The following CTPS1 variants were observed in gnomAD, a reference collection of about 807,000 sequenced individuals.
CTPS1 encodes the protein CTP synthase 1.
CTPS1 carries 25 observed loss-of-function variants against 80.5 expected under a neutral mutation model. The observed-to-expected ratio is 0.31, with a 90% CI of 0.23 to 0.43. CTPS1 has a LOEUF of 0.43. Among genes scored for constraint, CTPS1 ranks in the 20% least tolerant of loss-of-function variants. The pLI is 1.00. For synonymous variants in CTPS1, 267 were observed against 252.5 expected (o/e 1.06, Z -0.54); for missense variants, 442 against 725.7 (o/e 0.61, Z 4.49).
chr1:41,003,200 T>C, intron 12 of CTPS1, 24 bp downstream of exon 12: 1 of 1,613,384 alleles, frequency 6.2e-7, no homozygotes, highest in Non-Finnish European at 8.5e-7. Context: ...AAGACACTCA[T>C]TCAATTCCCG....
chr1:40,984,762 G>T, intron 2 of CTPS1, 59 bp from the exon 3 acceptor site: 1 of 1,291,556 alleles, frequency 7.7e-7, no homozygotes, highest in South Asian at 2.2e-5. Context: ...CAGGATTGCA[G>T]TTGTGCCATG....
At chr1:41,002,117 G>T in intron 10 of CTPS1, 43 bp from the exon 11 acceptor site, 1 of 1,578,152 alleles carries the variant, frequency 6.3e-7, no homozygotes, top group East Asian at 2.2e-5. Context: ...AGTTGGACTG[G>T]TAGAAAAGGG....
chr1:40,980,557 C>G (rs1481562753), intron 1 of CTPS1: 1 of 152,282 alleles, frequency 6.6e-6, no homozygotes, highest in Non-Finnish European at 1.5e-5. Context: ...CCCCCATTCC[C>G]CTAGGTGAGA....
chr1:40,994,090 A>G (rs1642689051), intron 7 of CTPS1, among the ~76,000 whole-genome samples: 1 of 152,060 alleles, frequency 6.6e-6, no homozygotes, highest in Admixed American at 6.6e-5. Flanking sequence ...TCATTTTCTT[A>G]ATAGTGTCTT....
intron 12 of CTPS1, chr1:41,003,902 G>A (rs866624257): frequency 6.6e-6 from 1 of 152,264 alleles, no homozygotes; most frequent in Non-Finnish European, 1.5e-5. Context: ...CTGTGAGCTC[G>A]GCCCAGCCGG....
At chr1:40,987,113 G>A (rs892852375) in intron 3 of CTPS1, among the ~76,000 whole-genome samples, 4 of 152,308 alleles carry the variant, frequency 2.6e-5, no homozygotes, top group East Asian at 3.9e-4. Flanking sequence ...GGGCACGTGC[G>A]CCTGTGTGGC....
At chr1:40,990,073 A>AC (rs35160190) in intron 5 of CTPS1, among the ~76,000 whole-genome samples, 22,280 of 151,716 alleles carry the variant, frequency 0.15, 1,974 homozygotes, top group Middle Eastern at 0.27. Context: ...ACATGAACCT[A>AC]CCCCCCCGTA....
intron 8 of CTPS1, among the ~76,000 whole-genome samples, chr1:40,996,620 C>A (rs779126753): frequency 6.6e-6 from 1 of 152,196 alleles, no homozygotes; most frequent in Non-Finnish European, 1.5e-5. Flanking sequence ...ATCTTAGTTG[C>A]AAGATCAATA....
Position 41,007,421 on chromosome 1 carries a change from T to C in CTPS1, c.1297-28T>C, listed in dbSNP as rs1189299423. 1 of 1,602,952 alleles carries C rather than the reference T, an allele frequency of 6.2e-7. No individual in the cohort carries two copies. ...CTCTAGCGGAAGCAGAGTTCTGTAG[T>C]TGGTGTCTGTTTTCTGAACATCTCC... On this transcript the variant is annotated intron_variant, in intron 13 of 18. Transcript: ENST00000650070. This position sits in a 1 kb window ranked among gnomAD's most constrained non-coding sequence, Gnocchi z 4.4.
intron 17 of CTPS1, 147 bp from the exon 18 acceptor site, chr1:41,010,014 T>G: frequency 1.7e-6 from 1 of 595,300 alleles, no homozygotes; most frequent in Non-Finnish European, 3.0e-6. Flanking sequence ...TTCTGCAGTT[T>G]CATGTTAAAT....
In CTPS1 at chr1:40,988,635, T is replaced by C. The variant is rs761028193; in HGVS notation, c.480T>C (p.Ile160=). The C allele has an allele frequency of 3.2e-5, 52 of 1,614,086 alleles. No homozygotes were observed. The highest frequency in any genetic ancestry group is 4.2e-5 in the Non-Finnish European group (50 of 1,180,038). The stretch of plus-strand genomic sequence containing the variant: ...GGGACATAGAAAGCATGCCCTTTAT[T>C]GAGGCCTTCCGTCAGTTCCAATTCA... ...TVGDIESMPF[I]EAFRQFQFKV... is the part of the protein sequence containing the mutation. Residue 160 remains isoleucine (I), a synonymous_variant, in exon 5 of 19, where the codon ATT becomes ATC. Coordinates refer to ENST00000650070, the MANE Select transcript of CTPS1 (RefSeq NM_001905.4).
intron 5 of CTPS1, among the ~76,000 whole-genome samples, 178 bp from the exon 6 acceptor site, chr1:40,990,986 GT>G (rs1642592913): frequency 6.6e-6 from 1 of 152,180 alleles, no homozygotes; most frequent in Non-Finnish European, 1.5e-5. Flanking sequence ...TACAAGCTCG[GT>G]TAGAACCATT....
At chr1:40,994,970 CAGT>C (rs1642715093) in intron 7 of CTPS1, among the ~76,000 whole-genome samples, 1 of 152,170 alleles carries the variant, frequency 6.6e-6, no homozygotes, top group South Asian at 2.1e-4. Flanking sequence ...TTTCCTAACA[CAGT>C]AGTTCTCAAA....
intron 1 of CTPS1, chr1:40,980,999 G>C (rs76503686): frequency 0.013 from 2,016 of 152,530 alleles, 51 homozygotes; most frequent in Admixed American, 0.057. Flanking sequence ...GCCTGGATCC[G>C]CCCACTACCC....
intron 5 of CTPS1, among the ~76,000 whole-genome samples, chr1:40,990,623 T>TAAA (rs757660759): frequency 6.6e-6 from 1 of 150,618 alleles, no homozygotes; most frequent in Non-Finnish European, 1.5e-5. Context: ...TGTCTCGATT[T>TAAA]AAAAAAAAAG....
intron 12 of CTPS1, among the ~76,000 whole-genome samples, chr1:41,005,640 C>T (rs567367035): frequency 6.6e-6 from 1 of 152,166 alleles, no homozygotes; most frequent in South Asian, 2.1e-4. Context: ...GGTCTGGTGG[C>T]TTGCACCTGT....
Position 41,007,697 on chromosome 1 carries a change from T to G in CTPS1, c.1393+152T>G, listed in dbSNP as rs1643069143. The G allele has an allele frequency of 1.6e-6, 1 of 640,786 alleles. No homozygotes were observed. The highest frequency in any genetic ancestry group is 2.7e-6 in the Non-Finnish European group (1 of 364,398). 39.7% of individuals were successfully genotyped at this position (640,786 alleles called of 1,614,324 possible). ...TTCTTTCCTCTCTTATTCATACCCT[T>G]TTAGGATGCACTGTGATAGCCATAG... On this transcript the variant is annotated intron_variant, in intron 14 of 18. Coordinates refer to ENST00000650070, the MANE Select transcript of CTPS1 (RefSeq NM_001905.4). This position sits in a 1 kb window ranked among gnomAD's most constrained non-coding sequence, Gnocchi z 4.4.
Position 40,992,312 on chromosome 1 carries a change from C to T in CTPS1, c.720+467C>T, listed in dbSNP as rs115341803. ...CCTTCACTGGGCTCCTGTGTGGTGT[C>T]GCATGTATGCTGCTGATGGGCCCAT... On this transcript the variant is annotated intron_variant, in intron 7 of 18. Transcript: ENST00000650070. Among the ~76,000 whole-genome samples the T allele has an allele frequency of 3.5e-3, 529 of 152,212 alleles. 1 individual carries two copies. Among genetic ancestry groups the T allele is most frequent in the Non-Finnish European group, 6.2e-3 (421 of 68,020 alleles).
intron 7 of CTPS1, among the ~76,000 whole-genome samples, chr1:40,992,659 T>C (rs1642642511): frequency 6.6e-6 from 1 of 151,488 alleles, no homozygotes; most frequent in Admixed American, 6.6e-5. Context: ...TGTAGCAGAA[T>C]AGGTTGTCAT....
Sources: gnomAD v4.1 joint callset for allele counts (sites outside exome capture counted in the v4.1 genomes callset) on GRCh38, gnomAD v4.1.1 for gene constraint, Gnocchi (gnomAD v3.1) non-coding constraint, MANE v1.5 for transcripts, NCBI Gene and HGNC (gene_info 2026-07-23, HGNC 2026-07-21) for gene names.